FGF14: variants seen among roughly 807,000 people sequenced by gnomAD.
FGF14 encodes the protein fibroblast growth factor homologous factor 4.
A neutral mutation model predicts 25.5 loss-of-function variants in FGF14; 5 were observed. The ratio of observed to expected loss-of-function variants is 0.20; its 90% confidence interval spans 0.10 to 0.41. FGF14 has a LOEUF of 0.41. Among genes scored for constraint, FGF14 ranks in the 10% least tolerant of loss-of-function variants. FGF14 has a pLI of 1.00. For missense variants in FGF14, 222 were observed against 320.1 expected (o/e 0.69, Z 2.34); for synonymous variants, 138 against 118.3 (o/e 1.17, Z -1.08).
intron 3 of FGF14, among the ~76,000 whole-genome samples, chr13:101,847,339 C>G (rs1254117505): frequency 6.6e-6 from 1 of 152,028 alleles, no homozygotes; most frequent in Non-Finnish European, 1.5e-5. Flanking sequence ...CCCACTGAGA[C>G]TCTCAATCTG....
intron 1 of FGF14, among the ~76,000 whole-genome samples, chr13:102,106,744 T>C (rs578132252): frequency 1.3e-5 from 2 of 152,366 alleles, no homozygotes; most frequent in East Asian, 3.9e-4. Flanking sequence ...ATAAACAGTA[T>C]CTTCACATAT....
In FGF14 at chr13:101,963,418, T is replaced by C. The variant is rs558285030; in HGVS notation, c.209-88122A>G. On this transcript the variant is annotated intron_variant, in intron 1 of 4. Coordinates refer to the FGF14 transcript ENST00000376131. ...CCACCTTCTACATGCCTCCAAATGG[T>C]CCCTCTAATTCTGACATTTGTGGGG... 2.6e-5 allele frequency among the ~76,000 whole-genome samples: 4 copies of C among 152,236 alleles called. No individual in the cohort carries two copies. The South Asian group carries it at 8.3e-4, about 32-fold the overall frequency.
chr13:102,138,053 T>C (rs956513340), intron 1 of FGF14, among the ~76,000 whole-genome samples: 1 of 147,528 alleles, frequency 6.8e-6, no homozygotes, highest in African/African-American at 2.5e-5. Context: ...TTCTCCTCCA[T>C]CGCCCTGGCC....
At chr13:102,156,890 G>C (rs904068483) in intron 1 of FGF14, among the ~76,000 whole-genome samples, 1 of 152,178 alleles carries the variant, frequency 6.6e-6, no homozygotes, top group African/African-American at 2.4e-5. Context: ...CAAATCATGA[G>C]TGAACTCCCA....
At chr13:102,326,802 AATAT>A (rs1488453330) in intron 1 of FGF14, among the ~76,000 whole-genome samples, 1 of 151,926 alleles carries the variant, frequency 6.6e-6, no homozygotes, top group Non-Finnish European at 1.5e-5. Flanking sequence ...GAAGGAAGGA[AATAT>A]ATATGAGCAA....
chr13:101,760,143 G>A lies in FGF14; in HGVS notation c.409-33333C>T, dbSNP rs993933222. Among the ~76,000 whole-genome samples, 3 of 152,244 alleles carry A rather than the reference G, an allele frequency of 2.0e-5. No homozygotes were observed. In the South Asian group the frequency reaches 6.2e-4, roughly 32 times the overall value. On this transcript the variant is annotated intron_variant, in intron 3 of 4. Transcript: ENST00000376143. The stretch of plus-strand genomic sequence containing the variant: ...TAGGGTAACAAAGTATCCTTAGATG[G>A]AACTATTTTTGATGGAAACAAACCT...
intron 1 of FGF14, among the ~76,000 whole-genome samples, chr13:101,905,986 T>C (rs1454887982): frequency 6.6e-6 from 1 of 152,126 alleles, no homozygotes; most frequent in African/African-American, 2.4e-5. Context: ...TGAGATGTGG[T>C]ATGCAACACT....
intron 1 of FGF14, among the ~76,000 whole-genome samples, chr13:101,940,588 C>G (rs2035385434): frequency 6.6e-6 from 1 of 152,198 alleles, no homozygotes; most frequent in Non-Finnish European, 1.5e-5. Context: ...TCCATATCAC[C>G]TCCTCAGAAA....
chr13:101,809,319 C>A (rs921352962), intron 3 of FGF14, among the ~76,000 whole-genome samples: 1 of 152,072 alleles, frequency 6.6e-6, no homozygotes, highest in African/African-American at 2.4e-5. Context: ...AACCTTATGC[C>A]TTTTTACCAA....
At chr13:102,233,014 C>T (rs1448796979) in intron 1 of FGF14, among the ~76,000 whole-genome samples, 2 of 152,108 alleles carry the variant, frequency 1.3e-5, no homozygotes, top group Non-Finnish European at 2.9e-5. Flanking sequence ...CCCTTCTTCC[C>T]CTGAGGTCTT....
intron 1 of FGF14, among the ~76,000 whole-genome samples, chr13:101,986,585 T>C (rs1379104973): frequency 6.6e-6 from 1 of 152,142 alleles, no homozygotes. Context: ...GCTGTTATTG[T>C]TTTTATTGCC....
intron 1 of FGF14, among the ~76,000 whole-genome samples, chr13:101,884,210 A>G (rs1472554168): frequency 2.6e-5 from 4 of 152,124 alleles, no homozygotes; most frequent in Admixed American, 6.6e-5. Flanking sequence ...GGTACCACTC[A>G]GCTGTGCTCT....
At chr13:101,970,985 T>A (rs926327464) in intron 1 of FGF14, among the ~76,000 whole-genome samples, 1 of 152,172 alleles carries the variant, frequency 6.6e-6, no homozygotes, top group Admixed American at 6.5e-5. Context: ...TTTTGGGGAC[T>A]CCTATGCATA....
At chr13:102,364,578 T>C (rs1217308335) in intron 1 of FGF14, among the ~76,000 whole-genome samples, 2 of 152,246 alleles carry the variant, frequency 1.3e-5, no homozygotes, top group Admixed American at 6.5e-5. Context: ...GACTTCTCAA[T>C]AGACATTTCT....
intron 1 of FGF14, among the ~76,000 whole-genome samples, chr13:101,880,668 A>G (rs1025229723): frequency 6.6e-6 from 1 of 152,180 alleles, no homozygotes; most frequent in African/African-American, 2.4e-5. Context: ...AAACTATAAT[A>G]TGGCTTTATA....
In FGF14 at chr13:101,718,248, G is replaced by A. The variant is rs530530626; in HGVS notation, c.*4583C>T. ...TGTATGTGTGTGTTTGTGTGTGTATGTGTGGTTTTGATGCCAGCAATGCAA... is the reference window on the plus strand; with the variant it reads ...TGTATGTGTGTGTTTGTGTGTGTATATGTGGTTTTGATGCCAGCAATGCAA... On this transcript the variant is annotated 3_prime_UTR_variant, in exon 5 of 5. Transcript: ENST00000376143. 2 of 152,188 alleles carry A rather than the reference G, an allele frequency of 1.3e-5. No homozygotes were observed. The highest frequency in any genetic ancestry group is 6.5e-5 in the Admixed American group (1 of 15,278). 9.4% of individuals were successfully genotyped at this position (152,188 alleles called of 1,614,324 possible).
intron 1 of FGF14, among the ~76,000 whole-genome samples, chr13:102,131,404 T>G (rs555594923): frequency 9.6e-4 from 146 of 152,262 alleles, no homozygotes; most frequent in Non-Finnish European, 1.8e-3. Flanking sequence ...ATGAAAGCTT[T>G]TAATTGTCTC....
chr13:102,257,756 G>A (rs538522865), intron 1 of FGF14, among the ~76,000 whole-genome samples: 111 of 152,192 alleles, frequency 7.3e-4, no homozygotes, highest in South Asian at 1.7e-3. Flanking sequence ...AAAAGGGAGC[G>A]CTTCATGCAA....
intron 1 of FGF14, among the ~76,000 whole-genome samples, chr13:102,061,026 C>A (rs1463996618): frequency 6.6e-6 from 1 of 152,190 alleles, no homozygotes; most frequent in Non-Finnish European, 1.5e-5. Context: ...GGGAGGAGAG[C>A]CCGGCAGCTG....
Sources: allele counts gnomAD v4.1 joint callset (sites outside exome capture counted in the v4.1 genomes callset), GRCh38; gene constraint gnomAD v4.1.1; transcripts MANE v1.5; gene names NCBI Gene and HGNC (gene_info 2026-07-23, HGNC 2026-07-21).